CEP72: variants seen among roughly 807,000 people sequenced by gnomAD.
The protein encoded by CEP72 is centrosomal protein 72.
Under a neutral mutation model 65.7 loss-of-function variants are expected in CEP72, and 78 were observed. The observed-to-expected ratio is 1.19, with a 90% CI of 0.99 to 1.43. The LOEUF is 1.43. Ranked by LOEUF, CEP72 falls within the 40% of genes most tolerant of loss-of-function variation. The probability of loss-of-function intolerance (pLI) is 0.00; values close to 1 mark genes in which losing one functional copy is unlikely to be tolerated. For missense variants in CEP72, 914 were observed against 832.9 expected (o/e 1.10, Z -1.20); for synonymous variants, 358 against 351.7 (o/e 1.02, Z -0.20).
At position 641,686 on chromosome 5, in the gene CEP72, G is replaced by A. The variant is rs73734341; in HGVS notation, c.1539+1082G>A. ...AGCCTCTGTATTTAAACACACGTGG[G>A]TCCCCATCCCCCGTCCAGAAGTCTC... On this transcript the variant is annotated intron_variant, in intron 9 of 11. Coordinates refer to ENST00000264935, the MANE Select transcript of CEP72 (RefSeq NM_018140.4). 2.1e-3 allele frequency: 2,069 copies of A among 982,434 alleles called. 39 individuals carry two copies. The African/African-American group carries it at 0.035, about 17-fold the overall frequency. The allele number at this position is 982,434 out of a possible 1,614,324, so 60.9% of individuals were successfully genotyped here.
intron 4 of CEP72, among the ~76,000 whole-genome samples, chr5:632,082 G>A (rs1471946638): frequency 3.7e-5 from 2 of 53,696 alleles, no homozygotes; most frequent in African/African-American, 9.0e-5. Context: ...GCCCAGTCCT[G>A]GTGGGGTTCT....
At chr5:654,560 C>G (rs1739320084), downstream of CEP72, among the ~76,000 whole-genome samples, 2 of 152,150 alleles carry the variant, frequency 1.3e-5, no homozygotes, top group African/African-American at 4.8e-5. Context: ...AGGCTGCCCT[C>G]TTGTGTCACC....
At position 634,014 on chromosome 5, in the gene CEP72, G is replaced by C. The variant is rs568226178; in HGVS notation, c.691+67G>C. ...TCTGGGATATATATAGTCGTTACTGGGCTTGGAGTCCACAGTTGCTCTTTT... is the reference window on the plus strand; with the variant it reads ...TCTGGGATATATATAGTCGTTACTGCGCTTGGAGTCCACAGTTGCTCTTTT... On this transcript the variant is annotated intron_variant, in intron 5 of 11. Transcript: ENST00000264935. 31 of 1,466,680 alleles carry C rather than the reference G, an allele frequency of 2.1e-5. No individual in the cohort carries two copies. In the African/African-American group the frequency reaches 3.9e-4, roughly 18 times the overall value. 90.9% of individuals were successfully genotyped at this position (1,466,680 alleles called of 1,614,324 possible). A position where few individuals can be genotyped will look rare whatever the true frequency, so the allele number is the denominator to read the frequency against.
chr5:646,704 A>G (rs1410653416), intron 10 of CEP72, among the ~76,000 whole-genome samples: 1 of 152,174 alleles, frequency 6.6e-6, no homozygotes. Context: ...CCTCACCCTC[A>G]TGGGAGGGGC....
Position 637,697 on chromosome 5 carries a change from T to G in CEP72, c.1085T>G (p.Val362Gly). Residue 362 changes from valine to glycine, a missense_variant, in exon 7 of 12, where the codon GTG (valine) becomes GGG (glycine). Val to Gly is a moderately radical substitution (Grantham distance 109). Transcript: ENST00000264935. The stretch of plus-strand genomic sequence containing the variant: ...CCGGAGAGAACTCATGGGTCCTCCG[T>G]GCCCAAGGAGAGCCTGAGCAGACAG... Reference protein sequence around the residue: ...GCPERTHGSSVPKESLSRQDS... With the variant: ...GCPERTHGSSGPKESLSRQDS... 1 of 1,613,736 alleles carries G rather than the reference T, an allele frequency of 6.2e-7. No individual in the cohort carries two copies.
At chr5:622,761 C>T (rs950631145) in intron 3 of CEP72, among the ~76,000 whole-genome samples, 1 of 149,104 alleles carries the variant, frequency 6.7e-6, no homozygotes, top group African/African-American at 2.6e-5. Flanking sequence ...TGGACCCCCC[C>T]AAGACACAGT....
chr5:671,702 T>TC (rs1370857036), downstream of CEP72, among the ~76,000 whole-genome samples: 9 of 151,844 alleles, frequency 5.9e-5, no homozygotes, highest in Admixed American at 5.2e-4. Flanking sequence ...TGGCCAAGGG[T>TC]CCCCCCGCAG....
intron 3 of CEP72, among the ~76,000 whole-genome samples, chr5:621,982 C>G (rs377237548): frequency 2.0e-5 from 3 of 152,322 alleles, no homozygotes; most frequent in Admixed American, 6.5e-5. Context: ...CCATGTTGGC[C>G]AGGCTGGTTT....
intron 5 of CEP72, among the ~76,000 whole-genome samples, chr5:635,003 C>G (rs993984145): frequency 2.0e-5 from 3 of 152,216 alleles, no homozygotes; most frequent in African/African-American, 7.2e-5. Flanking sequence ...TCAAGTGATT[C>G]TCCTGCCTCA....
intron 8 of CEP72, 120 bp from the exon 9 acceptor site, chr5:640,284 CCTCT>C (rs1339248122): frequency 1.5e-6 from 2 of 1,335,100 alleles, no homozygotes; most frequent in Non-Finnish European, 1.0e-6. Context: ...ACCCCTTTCC[CCTCT>C]CCCTACCTGT....
At chr5:626,221 T>G (rs1420778817) in intron 4 of CEP72, among the ~76,000 whole-genome samples, 6 of 152,196 alleles carry the variant, frequency 3.9e-5, no homozygotes, top group African/African-American at 1.4e-4. Flanking sequence ...ATACCTTTTA[T>G]TTCCTTTTCT....
chr5:649,783 T>C (rs1381179402), intron 11 of CEP72, among the ~76,000 whole-genome samples: 23 of 20,464 alleles, frequency 1.1e-3, no homozygotes, highest in South Asian at 1.7e-3. Flanking sequence ...GACTGTGAGG[T>C]GTGACTGAGG....
At chr5:632,033 A>G (rs1173614987) in intron 4 of CEP72, among the ~76,000 whole-genome samples, 5 of 33,718 alleles carry the variant, frequency 1.5e-4, no homozygotes, top group East Asian at 1.1e-3. Flanking sequence ...CTGGGATTTG[A>G]CCCAGTCCTA....
At chr5:647,987 C>G in intron 11 of CEP72, 71 bp downstream of exon 11, 1 of 1,000,426 alleles carries the variant, frequency 1.0e-6, no homozygotes, top group Non-Finnish European at 1.5e-6. Flanking sequence ...TTGGGCCGGA[C>G]TGGGTCACAC....
chr5:642,584 CACAT>C (rs1473996845), intron 9 of CEP72: 1 of 985,384 alleles, frequency 1.0e-6, no homozygotes, highest in African/African-American at 1.7e-5. Flanking sequence ...GGGTGAGAGT[CACAT>C]GCAGCTGTGG....
chr5:672,218 T>G, the CEP72 span, among the ~76,000 whole-genome samples: 1 of 151,312 alleles, frequency 6.6e-6, no homozygotes, highest in Non-Finnish European at 1.5e-5. Context: ...GCCGGGGGGG[T>G]GTACCAGGCT....
At chr5:651,171 G>T (rs1260934958) in intron 11 of CEP72, among the ~76,000 whole-genome samples, 1 of 67,200 alleles carries the variant, frequency 1.5e-5, no homozygotes, top group Non-Finnish European at 2.7e-5. Context: ...AGGTGTGACT[G>T]TGAGGTGTTA....
downstream of CEP72, among the ~76,000 whole-genome samples, chr5:669,694 C>T (rs903428868): frequency 7.2e-5 from 11 of 152,052 alleles, no homozygotes; most frequent in African/African-American, 2.4e-4. Flanking sequence ...CCATCAGAGG[C>T]GACATTCAGA....
At chr5:653,741 G>A (rs890389008), downstream of CEP72, among the ~76,000 whole-genome samples, 2 of 152,164 alleles carry the variant, frequency 1.3e-5, no homozygotes, top group African/African-American at 4.8e-5. Flanking sequence ...ATATCACAGC[G>A]GAAACATCTA....
Sources: allele counts gnomAD v4.1 joint callset (sites outside exome capture counted in the v4.1 genomes callset), GRCh38; gene constraint gnomAD v4.1.1; transcripts MANE v1.5; gene names NCBI Gene and HGNC (gene_info 2026-07-23, HGNC 2026-07-21).